The following FAM53A variants were observed in gnomAD, a reference collection of about 807,000 sequenced individuals.
FAM53A encodes family with sequence similarity 53 member A, also known as protein FAM53A.
Under a neutral mutation model 26.6 loss-of-function variants are expected in FAM53A, and 28 were observed. That is an observed-to-expected ratio of 1.05 (90% confidence interval 0.78 to 1.45). The LOEUF (loss-of-function observed/expected upper bound fraction) is 1.45. Among genes scored for constraint, FAM53A ranks in the 40% most tolerant of loss-of-function variants. FAM53A has a pLI of 0.00. For missense variants in FAM53A, 650 were observed against 575.8 expected, an observed-to-expected ratio of 1.13 and a Z score of -1.32; for synonymous variants, 290 against 253.1, an observed-to-expected ratio of 1.15 and a Z score of -1.38.
chr4:1,678,715 G>A (rs1356567417), intron 1 of FAM53A, among the ~76,000 whole-genome samples: 3 of 151,796 alleles, frequency 2.0e-5, no homozygotes, highest in Non-Finnish European at 4.4e-5. Flanking sequence ...CCAGCTACTC[G>A]GGAGGCTGAG....
chr4:1,586,938 G>A, the FAM53A span, among the ~76,000 whole-genome samples: 44,083 of 152,086 alleles, frequency 0.29, 6,945 homozygotes, highest in Admixed American at 0.38. Flanking sequence ...TGTTCTAAAA[G>A]GTGTCGGGTG....
At chr4:1,597,731 C>T in the FAM53A span, among the ~76,000 whole-genome samples, 1 of 152,206 alleles carries the variant, frequency 6.6e-6, no homozygotes, top group Non-Finnish European at 1.5e-5. Context: ...CGCGGTGGCT[C>T]ACGCCTGTAA....
chr4:1,656,055 T>C (rs1713355940), intron 3 of FAM53A, among the ~76,000 whole-genome samples: 1 of 152,192 alleles, frequency 6.6e-6, no homozygotes, highest in Non-Finnish European at 1.5e-5. Flanking sequence ...ATCCTCAAAA[T>C]GCCCCTCTCC....
Position 1,639,928 on chromosome 4 carries a change from T to C in FAM53A, c.*1365A>G, listed in dbSNP as rs931222214. 6.6e-6 allele frequency: 1 copy of C among 152,262 alleles called. No homozygotes were observed. Among genetic ancestry groups the C allele is most frequent in the African/African-American group, 2.4e-5 (1 of 41,476 alleles). The allele number at this position is 152,262 out of a possible 1,614,324, so 9.4% of individuals were successfully genotyped here. A position where few individuals can be genotyped will look rare whatever the true frequency, so the allele number is the denominator to read the frequency against. On this transcript the variant is annotated 3_prime_UTR_variant, in exon 5 of 5. Coordinates refer to ENST00000308132, the MANE Select transcript of FAM53A (RefSeq NM_001174070.3). ...CAAACTCGAAACCCCTACGATTTTA[T>C]TAAAAGTGCAAGAATGAAAAACAGG...
In FAM53A at chr4:1,649,225, A is replaced by G. The variant is rs947305158; in HGVS notation, c.882+5753T>C. The stretch of plus-strand genomic sequence containing the variant: ...AGGGAAAGGGAAGGGGAAGGGGAAG[A>G]GGAGGGGAGGAAAGAAAAGGAAAGA... On this transcript the variant is annotated intron_variant, in intron 4 of 4. Transcript: ENST00000308132. Among the ~76,000 whole-genome samples, 204 of 142,210 alleles carry G rather than the reference A, an allele frequency of 1.4e-3. 8 individuals carry two copies. The highest frequency in any genetic ancestry group is 5.5e-4 in the Non-Finnish European group (36 of 65,886). 93.3% of individuals were successfully genotyped at this position (142,210 alleles called of 152,430 possible).
chr4:1,639,612 AG>A (rs1433701268), downstream of FAM53A, among the ~76,000 whole-genome samples: 1 of 152,138 alleles, frequency 6.6e-6, no homozygotes, highest in Non-Finnish European at 1.5e-5. Flanking sequence ...CTGGCCAGGA[AG>A]GGGGATCCCA....
At chr4:1,605,185 C>CA in the FAM53A span, among the ~76,000 whole-genome samples, 1 of 152,190 alleles carries the variant, frequency 6.6e-6, no homozygotes, top group Non-Finnish European at 1.5e-5. The surrounding 1 kb of genome is among the most constrained non-coding windows in gnomAD (Gnocchi z 5.7). Context: ...GCCCAGAATT[C>CA]AGAGTAGGCG....
chr4:1,656,124 C>T (rs1209932329), intron 3 of FAM53A, among the ~76,000 whole-genome samples: 1 of 152,214 alleles, frequency 6.6e-6, no homozygotes, highest in Non-Finnish European at 1.5e-5. Flanking sequence ...CTCCAGGGCC[C>T]CTTCTTAAAG....
At chr4:1,663,011 G>A (rs530366222) in intron 2 of FAM53A, among the ~76,000 whole-genome samples, 25 of 140,458 alleles carry the variant, frequency 1.8e-4, no homozygotes, top group East Asian at 1.3e-3. Context: ...TTGCCAACAC[G>A]GTGAAACCCC....
intron 4 of FAM53A, 139 bp from the exon 5 acceptor site, chr4:1,641,746 T>C: frequency 1.2e-6 from 1 of 827,818 alleles, no homozygotes; most frequent in Non-Finnish European, 2.0e-6. Context: ...CTTGGTCCCC[T>C]GTACACCAGC....
chr4:1,610,238 G>A, the FAM53A span, among the ~76,000 whole-genome samples: 82 of 147,432 alleles, frequency 5.6e-4, no homozygotes, highest in Non-Finnish European at 6.6e-4. Flanking sequence ...CCCACTCAAC[G>A]CGCTGCCCCC....
the FAM53A span, among the ~76,000 whole-genome samples, chr4:1,585,276 C>CTTTTTTTTTTTTTTT: frequency 1.3e-5 from 1 of 75,962 alleles, no homozygotes. Flanking sequence ...CTCTCTCTCT[C>CTTTTTTTTTTTTTTT]TTTTTTTTTT....
chr4:1,635,031 T>C (rs1488859011), downstream of FAM53A, among the ~76,000 whole-genome samples: 1 of 152,198 alleles, frequency 6.6e-6, no homozygotes, highest in East Asian at 1.9e-4. Context: ...CTTGAGTCAG[T>C]TTTTAGCAAT....
Position 1,684,276 on chromosome 4 carries a change from G to A in FAM53A, c.-208C>T. ...GTGCGGAGCGAGAAGACTGCCGGCC[G>A]CCCAGGCCCCGCTCGCTCAGGGCGA... is the stretch of plus-strand genomic sequence containing the variant. On this transcript the variant is annotated 5_prime_UTR_variant, in exon 1 of 5. Coordinates refer to ENST00000308132, the MANE Select transcript of FAM53A (RefSeq NM_001174070.3). The A allele has an allele frequency of 6.6e-6, 1 of 151,096 alleles. No homozygotes were observed. Among genetic ancestry groups the A allele is most frequent in the South Asian group, 1.9e-4 (1 of 5,382 alleles). 9.4% of individuals were successfully genotyped at this position (151,096 alleles called of 1,614,324 possible). A position where few individuals can be genotyped will look rare whatever the true frequency, so the allele number is the denominator to read the frequency against.
At chr4:1,591,684 T>G in the FAM53A span, among the ~76,000 whole-genome samples, 2 of 152,228 alleles carry the variant, frequency 1.3e-5, no homozygotes, top group African/African-American at 4.8e-5. Context: ...TTCAGCTCCT[T>G]CTGGGTGTGA....
chr4:1,644,336 T>G (rs887816924), intron 4 of FAM53A: 2 of 1,535,770 alleles, frequency 1.3e-6, no homozygotes, highest in African/African-American at 2.7e-5. Context: ...CGGGCACAGC[T>G]GTGCGGCTAG....
the FAM53A span, among the ~76,000 whole-genome samples, chr4:1,603,622 G>A: frequency 6.6e-6 from 1 of 152,168 alleles, no homozygotes; most frequent in African/African-American, 2.4e-5. Context: ...GGTGGTGAAG[G>A]CAGCCCTGCC....
chr4:1,637,635 AGGGGTGG>A (rs1373821082), downstream of FAM53A, among the ~76,000 whole-genome samples: 7 of 86,226 alleles, frequency 8.1e-5, no homozygotes, highest in Non-Finnish European at 2.1e-4. Context: ...GCAGCCCGGC[AGGGGTGG>A]GCAGGGGTGG....
At chr4:1,647,500 G>C (rs1265639147) in intron 4 of FAM53A, among the ~76,000 whole-genome samples, 1 of 152,166 alleles carries the variant, frequency 6.6e-6, no homozygotes, top group East Asian at 1.9e-4. Context: ...CAGACAGCAG[G>C]GGGTGGCGGG....
Sources: gnomAD v4.1 joint callset for allele counts (sites outside exome capture counted in the v4.1 genomes callset) on GRCh38, gnomAD v4.1.1 for gene constraint, Gnocchi (gnomAD v3.1) non-coding constraint, MANE v1.5 for transcripts, NCBI Gene and HGNC (gene_info 2026-07-23, HGNC 2026-07-21) for gene names.